Variants in XIAP observed in about 807,000 individuals in gnomAD.
XIAP encodes the protein X-linked inhibitor of apoptosis, also known as E3 ubiquitin-protein ligase XIAP.
In XIAP, 3 loss-of-function variants were observed where a neutral mutation model predicts 33.1. That is an observed-to-expected ratio of 0.09 (90% CI 0.04 to 0.23). The LOEUF (loss-of-function observed/expected upper bound fraction) is 0.23. Ranked by LOEUF, XIAP falls within the 10% of genes least tolerant of loss-of-function variation. XIAP has a pLI of 1.00. For synonymous variants in XIAP, 98 were observed against 121.3 expected, an observed-to-expected ratio of 0.81 and a Z score of 1.26; for missense variants, 264 against 363.0, an observed-to-expected ratio of 0.73 and a Z score of 2.22.
At chrX:123,894,631 G>A (rs770850770) in intron 5 of XIAP, among the ~76,000 whole-genome samples, 159 of 110,856 alleles carry the variant, frequency 1.4e-3, no homozygotes, top group African/African-American at 5.0e-3. Context: ...AGCTGAGTGT[G>A]GTGCTGCACG....
chrX:123,873,270 G>A (rs775908364), intron 1 of XIAP, among the ~76,000 whole-genome samples: 2 of 109,409 alleles, frequency 1.8e-5, no homozygotes, highest in Admixed American at 9.8e-5. Context: ...GACCTCAGAT[G>A]ATCCTCCCGC....
At chrX:123,862,049 T>A (rs972113879) in intron 1 of XIAP, among the ~76,000 whole-genome samples, 1 of 111,502 alleles carries the variant, frequency 9.0e-6, no homozygotes, top group East Asian at 2.8e-4. Context: ...CAAAGAAGAT[T>A]AGCATGGTGT....
At chrX:123,862,785 G>A (rs1248367382) in intron 1 of XIAP, among the ~76,000 whole-genome samples, 1 of 108,697 alleles carries the variant, frequency 9.2e-6, no homozygotes. Context: ...AACCCAGGAG[G>A]CAGAGGCTGC....
At chrX:123,895,964 A>G (rs2053456473) in intron 5 of XIAP, among the ~76,000 whole-genome samples, 1 of 111,027 alleles carries the variant, frequency 9.0e-6, no homozygotes, top group Admixed American at 9.6e-5. Context: ...GTTTCGCTAT[A>G]TTAGCCAGGC....
At chrX:123,863,279 C>G (rs897035824) in intron 1 of XIAP, among the ~76,000 whole-genome samples, 24 of 109,685 alleles carry the variant, frequency 2.2e-4, no homozygotes, top group Non-Finnish European at 4.2e-4. Context: ...GGTGAAACCC[C>G]ATCTCTACTA....
intron 5 of XIAP, among the ~76,000 whole-genome samples, chrX:123,899,917 A>G (rs1304061998): frequency 1.8e-5 from 2 of 111,354 alleles, no homozygotes; most frequent in Non-Finnish European, 3.8e-5. Flanking sequence ...GTCAGAGGGT[A>G]TAAGTGTCCT....
intron 5 of XIAP, among the ~76,000 whole-genome samples, chrX:123,894,243 C>A: frequency 8.9e-6 from 1 of 112,203 alleles, no homozygotes; most frequent in East Asian, 2.8e-4. Flanking sequence ...TAATTGTTAT[C>A]CCCACTTTTC....
chrX:123,885,348 A>G (rs1269897801), intron 1 of XIAP, among the ~76,000 whole-genome samples: 5 of 111,961 alleles, frequency 4.5e-5, no homozygotes, highest in African/African-American at 1.6e-4. Context: ...ATTCTGCATC[A>G]CAGTTTACAT....
intron 1 of XIAP, among the ~76,000 whole-genome samples, chrX:123,861,069 A>G (rs763606381): frequency 2.7e-5 from 3 of 111,467 alleles, no homozygotes; most frequent in South Asian, 3.7e-4. Flanking sequence ...TTTTTTCCCC[A>G]TAATATTTAT....
rs968252783 is a variant in XIAP at position 123,906,894 on chromosome X, G to T, written c.1301-94G>T. ...TCATATCTCCCGGCACTTGTTGGGT[G>T]CTTGGCACGTAGTAGGGGCTCAATA... is the stretch of plus-strand genomic sequence containing the variant. On this transcript the variant is annotated intron_variant, in intron 6 of 6. Transcript: ENST00000371199. 1.5e-4 allele frequency: 159 copies of T among 1,052,411 alleles called. No homozygotes were observed. The African/African-American group carries it at 2.7e-3, about 18-fold the overall frequency. The allele number at this position is 1,052,411 out of a possible 1,213,427, so 86.7% of individuals were successfully genotyped here. A position where few individuals can be genotyped will look rare whatever the true frequency, so the allele number is the denominator to read the frequency against.
At chrX:123,879,420 C>T (rs1220702040) in intron 1 of XIAP, 2 of 105,980 alleles carry the variant, frequency 1.9e-5, no homozygotes, top group African/African-American at 6.9e-5. Context: ...AGGTTCACGC[C>T]ATTCCCCTGC....
chrX:123,884,213 G>T (rs779218682), intron 1 of XIAP, among the ~76,000 whole-genome samples: 44 of 112,009 alleles, frequency 3.9e-4, no homozygotes, highest in Non-Finnish European at 6.4e-4. Context: ...GCAGGGCGCG[G>T]TGGCTCACGC....
rs1362593846 is a variant in XIAP, at chrX:123,913,287, C to T, written c.*6106C>T. ...AGGAGTTGGAGACCAGCCTGGCCAA[C>T]ATGCTGAAACCCTGTCTGTACAAAA... On this transcript the variant is annotated 3_prime_UTR_variant, in exon 7 of 7. Transcript: ENST00000371199. 3.1e-6 allele frequency: 1 copy of T among 325,804 alleles called. No homozygotes were observed. Among genetic ancestry groups the T allele is most frequent in the African/African-American group, 2.7e-5 (1 of 37,379 alleles). The allele number at this position is 325,804 out of a possible 1,213,427, so 26.8% of individuals were successfully genotyped here. A position where few individuals can be genotyped will look rare whatever the true frequency, so the allele number is the denominator to read the frequency against.
At chrX:123,886,923 G>T (rs2053357406) in intron 2 of XIAP, among the ~76,000 whole-genome samples, 1 of 111,294 alleles carries the variant, frequency 9.0e-6, no homozygotes, top group Admixed American at 9.6e-5. Flanking sequence ...CAATAGCTTT[G>T]TTTGTTTGTT....
intron 1 of XIAP, among the ~76,000 whole-genome samples, chrX:123,869,362 C>CAAAAAAAAAAAAAAAA (rs57436822): frequency 1.6e-3 from 48 of 29,692 alleles, no homozygotes; most frequent in Admixed American, 2.2e-3. Context: ...TAAAAAAATA[C>CAAAAAAAAAAAAAAAA]AAAAAAAAAA....
chrX:123,911,787 A>C lies in XIAP; in HGVS notation c.*4606A>C, dbSNP rs1389173531. Reference sequence around the variant, plus strand: ...TAAGAGAAGCAATTGGCTTTTTCCCACTTCAATAATCATTTTCAGTTTGAC... The same window carrying C: ...TAAGAGAAGCAATTGGCTTTTTCCCCCTTCAATAATCATTTTCAGTTTGAC... On this transcript the variant is annotated 3_prime_UTR_variant, in exon 7 of 7. Transcript: ENST00000371199. 1 of 329,575 alleles carries C rather than the reference A, an allele frequency of 3.0e-6. No individual in the cohort carries two copies. The highest frequency in any genetic ancestry group is 5.9e-6 in the Non-Finnish European group (1 of 170,027). 27.2% of individuals were successfully genotyped at this position (329,575 alleles called of 1,213,427 possible).
intron 5 of XIAP, among the ~76,000 whole-genome samples, chrX:123,900,156 C>T (rs1050271425): frequency 4.5e-5 from 5 of 111,976 alleles, no homozygotes; most frequent in African/African-American, 1.6e-4. Flanking sequence ...CTTTAAGTAA[C>T]TTAGGTTAAT....
At chrX:123,874,688 T>C (rs1275245326) in intron 1 of XIAP, 1 of 77,901 alleles carries the variant, frequency 1.3e-5, no homozygotes, top group South Asian at 8.6e-4. Flanking sequence ...AATGAAATGA[T>C]GGGGGATTTT....
intron 6 of XIAP, among the ~76,000 whole-genome samples, chrX:123,902,739 T>C (rs2053524594): frequency 8.9e-6 from 1 of 112,198 alleles, no homozygotes; most frequent in South Asian, 3.6e-4. Context: ...TATATTACTG[T>C]ATATAATATA....
Sources: gnomAD v4.1 joint callset for allele counts (sites outside exome capture counted in the v4.1 genomes callset) on GRCh38, gnomAD v4.1.1 for gene constraint, MANE v1.5 for transcripts, NCBI Gene and HGNC (gene_info 2026-07-23, HGNC 2026-07-21) for gene names.